The following GOT1L1 variants were observed in gnomAD, a reference collection of about 807,000 sequenced individuals.
The protein encoded by GOT1L1 is glutamic-oxaloacetic transaminase 1 like 1.
GOT1L1 carries 38 observed loss-of-function variants against 43.6 expected under a neutral mutation model. That is an observed-to-expected ratio of 0.87 (90% confidence interval 0.67 to 1.14). The LOEUF is 1.14. GOT1L1 is among the 50% of genes most tolerant of loss of function. The pLI, the probability that GOT1L1 is intolerant of heterozygous loss-of-function variation, is 0.00. For synonymous variants in GOT1L1, 183 were observed against 187.2 expected (o/e 0.98, Z 0.18); for missense variants, 482 against 504.0 (o/e 0.96, Z 0.42).
chr8:37,934,920 G>A (rs1416690137), intron 8 of GOT1L1, 153 bp downstream of exon 8: 11 of 786,814 alleles, frequency 1.4e-5, no homozygotes, highest in Non-Finnish European at 2.2e-5. Context: ...TACTTCTGGG[G>A]GTCCAGAAGT....
intron 1 of GOT1L1, among the ~76,000 whole-genome samples, chr8:37,939,416 G>GAAAAAAAAAAAAAAAAA (rs4058283): frequency 4.7e-5 from 1 of 21,408 alleles, no homozygotes; most frequent in African/African-American, 2.0e-4. Flanking sequence ...CCTGTCTCAA[G>GAAAAAAAAAAAAAAAAA]AAAAAAAAAA....
At chr8:37,934,609 T>C in intron 8 of GOT1L1, 123 bp from the exon 9 acceptor site, 1 of 772,068 alleles carries the variant, frequency 1.3e-6, no homozygotes. Context: ...TTGCTCTTGT[T>C]GCCCAGGCTG....
At position 37,936,698 on chromosome 8, in the gene GOT1L1, CCTT is replaced by C. The variant is rs766466727; in HGVS notation, c.763+19_763+21del. 7 of 1,589,458 alleles carry C rather than the reference CCTT, an allele frequency of 4.4e-6. No homozygotes were observed. The South Asian group carries it at 5.6e-5, about 13-fold the overall frequency. ...AGCACCACTTCAGCAACAGACCCTC[CCTT>C]CTTCTGCCTGTACCATACCATAAAT... On this transcript the variant is annotated intron_variant, in intron 6 of 8. Coordinates refer to ENST00000307599, the MANE Select transcript of GOT1L1 (RefSeq NM_152413.3).
chr8:37,939,678 G>C (rs1284517064), intron 1 of GOT1L1, among the ~76,000 whole-genome samples: 1 of 151,746 alleles, frequency 6.6e-6, no homozygotes, highest in Non-Finnish European at 1.5e-5. Flanking sequence ...ATAGAGTTGT[G>C]GAAGAGGACA....
rs1807732158 is a variant in GOT1L1 at position 37,935,761 on chromosome 8, T to C, written c.872A>G (p.Asn291Ser). The C allele has an allele frequency of 1.2e-6, 2 of 1,612,152 alleles. No individual in the cohort carries two copies. Among genetic ancestry groups the C allele is most frequent in the Non-Finnish European group, 1.7e-6 (2 of 1,179,080 alleles). Residue 291 changes from asparagine to serine, a missense_variant, in exon 7 of 9, where the codon AAC becomes AGC. By Grantham distance (46) the Asn-to-Ser change is conservative (BLOSUM62 1). Coordinates refer to ENST00000307599, the MANE Select transcript of GOT1L1 (RefSeq NM_152413.3). ...LAQALWLNPPNTGARVITSIL... is the reference protein window; with the variant it reads ...LAQALWLNPPSTGARVITSIL... ...GGAGGTGATGACACGTGCACCCGTG[T>C]TGGGGGGGTTTAGCCACAGGGCCTG...
chr8:37,939,117 G>T, intron 1 of GOT1L1: 1 of 423,036 alleles, frequency 2.4e-6, no homozygotes. Context: ...CATTTTAAAG[G>T]TTAAAAATTA....
At chr8:37,935,543 G>C (rs1482459546) in intron 7 of GOT1L1, among the ~76,000 whole-genome samples, 161 bp downstream of exon 7, 1 of 152,148 alleles carries the variant, frequency 6.6e-6, no homozygotes, top group Non-Finnish European at 1.5e-5. Flanking sequence ...CATAGCCACC[G>C]CCATTGGTAC....
intron 8 of GOT1L1, 26 bp downstream of exon 8, chr8:37,935,047 G>T (rs28427102): frequency 1.2e-6 from 2 of 1,612,912 alleles, no homozygotes; most frequent in Admixed American, 3.3e-5. Flanking sequence ...TCAGAAAGGG[G>T]GGACACCAGC....
chr8:37,935,660 C>T (rs1807726328), intron 7 of GOT1L1, 44 bp downstream of exon 7: 2 of 1,497,784 alleles, frequency 1.3e-6, no homozygotes, highest in South Asian at 2.7e-5. Flanking sequence ...CTGCAGGCAC[C>T]CAGGGCCTCT....
chr8:37,938,727 CT>C lies in GOT1L1; in HGVS notation c.269del (p.Lys90SerfsTer11). 2 of 1,595,840 alleles carry C rather than the reference CT, an allele frequency of 1.3e-6. No homozygotes were observed. The highest frequency in any genetic ancestry group is 1.7e-6 in the Non-Finnish European group (2 of 1,171,286). On this transcript the variant is annotated frameshift_variant, in exon 2 of 9. Transcript: ENST00000307599. LOFTEE classifies it high-confidence loss of function. ...TGTTCTCCACAATGGCTTGGCTGTG[CT>C]TTCCAAAGAGGAGTGCTAGAGAGGC... is the stretch of plus-strand genomic sequence containing the variant. ...IQASLALLFG[K>X]HSQAIVENRV...
chr8:37,937,697 T>C lies in GOT1L1; in HGVS notation c.350A>G (p.Gln117Arg). 6.2e-7 allele frequency: 1 copy of C among 1,613,342 alleles called. No homozygotes were observed. The highest frequency in any genetic ancestry group is 1.1e-5 in the South Asian group (1 of 90,904). The change falls in exon 3 of 9, where the codon CAG becomes CGG. Residue 117 changes from glutamine (Q) to arginine (R), a missense_variant. Transcript: ENST00000307599. Reference protein sequence around the residue: ...GDSGAFQLGVQFLRAWHKDAR... With the variant: ...GDSGAFQLGVRFLRAWHKDAR... The stretch of plus-strand genomic sequence containing the variant: ...ATCCTTATGCCAAGCTCTGAGAAAC[T>C]GGACGCCAAGCTGGAAGGCACCACT...
rs1445693275 is a variant in GOT1L1 at position 37,937,361 on chromosome 8, G to A, written c.435C>T (p.Asp145=). 7 of 1,606,830 alleles carry A rather than the reference G, an allele frequency of 4.4e-6. No homozygotes were observed. Among genetic ancestry groups the A allele is most frequent in the South Asian group, 2.2e-5 (2 of 89,644 alleles). ...QKELHGLVFQ[D]MGFTVYEYSV... ...AGTATTCATAAACTGTAAAGCCCATGTCCTGGAAGACGAGTCCATGCAGTT... is the reference window on the plus strand; with the variant it reads ...AGTATTCATAAACTGTAAAGCCCATATCCTGGAAGACGAGTCCATGCAGTT... The change falls in exon 4 of 9, where the codon GAC becomes GAT. Residue 145 remains aspartate, a synonymous_variant. Transcript: ENST00000307599.
intron 1 of GOT1L1, among the ~76,000 whole-genome samples, chr8:37,939,586 A>G (rs907947513): frequency 6.6e-6 from 1 of 151,354 alleles, no homozygotes; most frequent in African/African-American, 2.4e-5. Context: ...TTCTTGGTTC[A>G]AGAACAGGAA....
rs749114397 is a variant in GOT1L1 at position 37,936,779 on chromosome 8, A to C, written c.704T>G (p.Val235Gly). 1 of 1,613,184 alleles carries C rather than the reference A, an allele frequency of 6.2e-7. No homozygotes were observed. The highest frequency in any genetic ancestry group is 1.3e-5 in the African/African-American group (1 of 75,044). The stretch of plus-strand genomic sequence containing the variant: ...GCAGAAGAACTCAAAGCCTTGAGAC[A>C]CAAAGTATTGTAAGATTCTAGTATC... ...EEDTRILQYF[V>G]SQGFEFFCSQ... The change falls in exon 6 of 9, where the codon GTG (valine) becomes GGG (glycine). Residue 235 changes from valine to glycine, a missense_variant. Physicochemically the swap from Val to Gly is moderately radical, Grantham distance 109. Coordinates refer to ENST00000307599, the MANE Select transcript of GOT1L1 (RefSeq NM_152413.3).
At position 37,934,392 on chromosome 8, in the gene GOT1L1, A is replaced by T. The variant is rs761479598; in HGVS notation, c.1167T>A (p.Asn389Lys). The T allele has an allele frequency of 6.2e-7, 1 of 1,613,430 alleles. No individual in the cohort carries two copies. The highest frequency in any genetic ancestry group is 1.1e-5 in the South Asian group (1 of 91,066). Residue 389 changes from asparagine to lysine, a missense_variant, in exon 9 of 9, where the codon AAT becomes AAA. Coordinates refer to ENST00000307599, the MANE Select transcript of GOT1L1 (RefSeq NM_152413.3). The part of the protein sequence containing the change: ...NFSCINANNI[N>K]YITEGINEAV... Reference sequence around the variant, plus strand: ...CCTCATTGATGCCCTCAGTGATGTAATTTATGTTGTTGGCATTGATACAGC... The same window carrying T: ...CCTCATTGATGCCCTCAGTGATGTATTTTATGTTGTTGGCATTGATACAGC...
In GOT1L1 at chr8:37,937,760, G is replaced by A. The variant is rs1807803245; in HGVS notation, c.298-11C>T. 6.3e-7 allele frequency: 1 copy of A among 1,593,724 alleles called. No homozygotes were observed. Among genetic ancestry groups the A allele is most frequent in the Non-Finnish European group, 8.6e-7 (1 of 1,164,792 alleles). ...GTGTACACCCCCTACCTGCCAGCAAGACATAGACACAAATAGGCCAGGTGT... is the reference window on the plus strand; with the variant it reads ...GTGTACACCCCCTACCTGCCAGCAAAACATAGACACAAATAGGCCAGGTGT... On this transcript the variant is annotated splice_polypyrimidine_tract_variant and intron_variant, in intron 2 of 8. Coordinates refer to ENST00000307599, the MANE Select transcript of GOT1L1 (RefSeq NM_152413.3).
chr8:37,934,305 T>A lies in GOT1L1; in HGVS notation c.1254A>T (p.Gly418=). The change falls in exon 9 of 9, where the codon GGA becomes GGT. Residue 418 remains glycine, a synonymous_variant. Transcript: ENST00000307599. Reference sequence around the variant, plus strand: ...ATTTTTGCAAAGACTAAAGTTTTATTCCAATCAGTGTTTTTTTTTCCTTTG... The same window carrying A: ...ATTTTTGCAAAGACTAAAGTTTTATACCAATCAGTGTTTTTTTTTCCTTTG... The part of the protein sequence containing the change: ...CLPKEKKTLI[G]IKL 1.2e-6 allele frequency: 2 copies of A among 1,611,192 alleles called. No homozygotes were observed. The highest frequency in any genetic ancestry group is 2.2e-5 in the South Asian group (2 of 90,446).
intron 1 of GOT1L1, among the ~76,000 whole-genome samples, chr8:37,939,287 G>A (rs1037440216): frequency 6.6e-5 from 10 of 151,034 alleles, no homozygotes; most frequent in South Asian, 2.1e-4. Context: ...GGTGACCAGC[G>A]CCTGTAGTCC....
At chr8:37,935,475 C>T (rs1807719076) in intron 7 of GOT1L1, among the ~76,000 whole-genome samples, 1 of 152,210 alleles carries the variant, frequency 6.6e-6, no homozygotes, top group Admixed American at 6.5e-5. Context: ...TCATATAACT[C>T]ATTGGCCTGG....
Sources: allele counts gnomAD v4.1 joint callset (sites outside exome capture counted in the v4.1 genomes callset), GRCh38; gene constraint gnomAD v4.1.1; transcripts MANE v1.5; gene names NCBI Gene and HGNC (gene_info 2026-07-23, HGNC 2026-07-21).